CDH22: variants seen among roughly 807,000 people sequenced by gnomAD.
CDH22 encodes cadherin 22, also known as cadherin-22.
Under a neutral mutation model 58.4 loss-of-function variants are expected in CDH22, and 30 were observed. The ratio of observed to expected loss-of-function variants is 0.51; its 90% CI spans 0.38 to 0.70. CDH22 has a LOEUF of 0.70. Ranked by LOEUF, CDH22 falls within the 30% of genes least tolerant of loss-of-function variation. The probability of loss-of-function intolerance (pLI) is 0.00; values close to 1 mark genes in which losing one functional copy is unlikely to be tolerated. For synonymous variants in CDH22, 513 were observed against 558.2 expected, an observed-to-expected ratio of 0.92 and a Z score of 1.14; for missense variants, 1,014 against 1,233.9, an observed-to-expected ratio of 0.82 and a Z score of 2.67.
chr20:46,307,759 G>A (rs2059030479), intron 1 of CDH22, among the ~76,000 whole-genome samples: 1 of 151,998 alleles, frequency 6.6e-6, no homozygotes, highest in Non-Finnish European at 1.5e-5. Context: ...CGCGCCGTGC[G>A]GTATTTTCCC....
At chr20:46,227,721 A>G (rs1211230008) in intron 3 of CDH22, 94 bp from the exon 4 acceptor site, 2 of 1,495,976 alleles carry the variant, frequency 1.3e-6, no homozygotes, top group Non-Finnish European at 1.8e-6. Flanking sequence ...GGGAGAGGAG[A>G]CCCTCGGGAG....
At chr20:46,265,837 CTCT>C (rs796205076) in intron 1 of CDH22, among the ~76,000 whole-genome samples, 14 of 152,190 alleles carry the variant, frequency 9.2e-5, no homozygotes, top group Middle Eastern at 6.8e-3. Context: ...CCACCTTCTT[CTCT>C]TCTTCTTCCT....
At chr20:46,178,557 C>G (rs1366500403) in intron 10 of CDH22, among the ~76,000 whole-genome samples, 1 of 149,238 alleles carries the variant, frequency 6.7e-6, no homozygotes, top group East Asian at 1.9e-4. Flanking sequence ...CCGTCCCCAG[C>G]TAGGCCAAGG....
chr20:46,175,352 G>T (rs6104494), intron 11 of CDH22, among the ~76,000 whole-genome samples: 1 of 152,196 alleles, frequency 6.6e-6, no homozygotes, highest in Non-Finnish European at 1.5e-5. Context: ...CAGTGTTAAA[G>T]GTTTTCCTGG....
chr20:46,284,716 C>T (rs1412919905), intron 1 of CDH22, among the ~76,000 whole-genome samples: 2 of 152,196 alleles, frequency 1.3e-5, no homozygotes, highest in African/African-American at 4.8e-5. Context: ...AGATTCCCAT[C>T]TGAAACTGGA....
chr20:46,256,747 T>C (rs1600718659), intron 1 of CDH22, among the ~76,000 whole-genome samples: 1 of 152,250 alleles, frequency 6.6e-6, no homozygotes, highest in African/African-American at 2.4e-5. Context: ...ATGCCTGTAA[T>C]CTCAGCAGTT....
chr20:46,181,752 C>CTTCTTTCT (rs1191055789), intron 10 of CDH22, among the ~76,000 whole-genome samples: 1,742 of 26,222 alleles, frequency 0.066, 150 homozygotes, highest in Middle Eastern at 0.1. Context: ...TCCTTCCTTC[C>CTTCTTTCT]TTCTTTCTTT....
chr20:46,200,090 C>T, intron 7 of CDH22, among the ~76,000 whole-genome samples: 1 of 152,242 alleles, frequency 6.6e-6, no homozygotes, highest in East Asian at 1.9e-4. Context: ...TCTCCTGCCT[C>T]AGTCTCCCGA....
At chr20:46,268,068 GT>G (rs1195371381) in intron 1 of CDH22, among the ~76,000 whole-genome samples, 2 of 152,250 alleles carry the variant, frequency 1.3e-5, no homozygotes, top group Non-Finnish European at 1.5e-5. Flanking sequence ...TTGGACATGG[GT>G]TTCTGTCCCC....
chr20:46,193,282 T>C (rs1428401065), intron 8 of CDH22, among the ~76,000 whole-genome samples: 1 of 152,088 alleles, frequency 6.6e-6, no homozygotes, highest in African/African-American at 2.4e-5. Flanking sequence ...CTGGGCCTGA[T>C]TTGCACACCT....
chr20:46,284,499 C>A (rs3904162), intron 1 of CDH22, among the ~76,000 whole-genome samples: 1 of 151,986 alleles, frequency 6.6e-6, no homozygotes, highest in South Asian at 2.1e-4. Context: ...GCTGTGCTGG[C>A]TGCTTTCTCT....
At chr20:46,213,268 G>A in intron 5 of CDH22, 80 bp from the exon 6 acceptor site, 1 of 1,010,914 alleles carries the variant, frequency 9.9e-7, no homozygotes, top group Non-Finnish European at 1.5e-6. Flanking sequence ...GGGGACAAGG[G>A]GGCCCAGGTG....
intron 1 of CDH22, among the ~76,000 whole-genome samples, chr20:46,304,706 G>T (rs2086666700): frequency 6.6e-6 from 1 of 152,206 alleles, no homozygotes; most frequent in Non-Finnish European, 1.5e-5. Flanking sequence ...TCATGTGTTT[G>T]AAATCAGACC....
intron 7 of CDH22, among the ~76,000 whole-genome samples, chr20:46,206,910 A>G (rs1476408476): frequency 6.6e-6 from 1 of 152,158 alleles, no homozygotes; most frequent in Non-Finnish European, 1.5e-5. Context: ...GTGCTGCCAG[A>G]ATGGAACCCT....
intron 1 of CDH22, among the ~76,000 whole-genome samples, chr20:46,260,834 C>T (rs1446480874): frequency 1.3e-5 from 2 of 152,228 alleles, no homozygotes; most frequent in African/African-American, 4.8e-5. Context: ...CGCCTATGGA[C>T]AGGGGAAGGT....
chr20:46,204,866 T>C (rs1249386387), intron 7 of CDH22, among the ~76,000 whole-genome samples: 1 of 152,078 alleles, frequency 6.6e-6, no homozygotes, highest in Non-Finnish European at 1.5e-5. Flanking sequence ...TACATAAATA[T>C]GTGCATATAT....
intron 1 of CDH22, among the ~76,000 whole-genome samples, chr20:46,279,694 A>C (rs1023873554): frequency 6.6e-6 from 1 of 152,206 alleles, no homozygotes. Flanking sequence ...AGGGGACCAG[A>C]TTGGAGGTGG....
intron 1 of CDH22, among the ~76,000 whole-genome samples, chr20:46,265,710 G>T (rs1722987916): frequency 6.6e-6 from 1 of 152,146 alleles, no homozygotes; most frequent in East Asian, 1.9e-4. Flanking sequence ...TCTTGCATGT[G>T]TTCCTTTTCA....
Position 46,216,301 on chromosome 20 carries a change from G to T in CDH22, c.838+525C>A, listed in dbSNP as rs1048436227. On this transcript the variant is annotated intron_variant, in intron 5 of 11. Coordinates refer to ENST00000537909, the MANE Select transcript of CDH22 (RefSeq NM_021248.3). This position sits in a 1 kb window ranked among gnomAD's most constrained non-coding sequence, Gnocchi z 5.3. ...TCCTAATTCAGAAGCACAGAGTCGC[G>T]CTACCCAGGCTCAGAGGAGGAGGGA... Among the ~76,000 whole-genome samples, 3 of 152,190 alleles carry T rather than the reference G, an allele frequency of 2.0e-5. No individual in the cohort carries two copies. In the East Asian group the frequency reaches 5.8e-4, roughly 29 times the overall value.
Sources: allele counts gnomAD v4.1 joint callset (sites outside exome capture counted in the v4.1 genomes callset), GRCh38; gene constraint gnomAD v4.1.1; non-coding constraint Gnocchi (gnomAD v3.1); transcripts MANE v1.5; gene names NCBI Gene and HGNC (gene_info 2026-07-23, HGNC 2026-07-21).